RYR1: variants seen among roughly 807,000 people sequenced by gnomAD.
RYR1 encodes the protein central core disease of muscle.
In RYR1, 342 loss-of-function variants were observed where a neutral mutation model predicts 583.5. The observed-to-expected ratio is 0.59, with a 90% confidence interval of 0.54 to 0.64. RYR1 has a LOEUF of 0.64. Among genes scored for constraint, RYR1 ranks in the 30% least tolerant of loss-of-function variants. The probability of loss-of-function intolerance (pLI) is 0.00; values close to 1 mark genes in which losing one functional copy is unlikely to be tolerated. For synonymous variants in RYR1, 2,791 were observed against 2,822.5 expected (o/e 0.99, Z 0.35); for missense variants, 6,032 against 6,917.2 (o/e 0.87, Z 4.54).
intron 42 of RYR1, among the ~76,000 whole-genome samples, chr19:38,497,378 C>G (rs1969894038): frequency 6.6e-6 from 1 of 152,232 alleles, no homozygotes; most frequent in African/African-American, 2.4e-5. Context: ...GCTTCCACTT[C>G]TGTGTACAGT....
At position 38,512,607 on chromosome 19, in the gene RYR1, C is replaced by T; in HGVS notation, c.9472+124C>T. The T allele has an allele frequency of 6.5e-6, 6 of 924,142 alleles. No individual in the cohort carries two copies. Among genetic ancestry groups the T allele is most frequent in the Non-Finnish European group, 1.0e-5 (6 of 577,152 alleles). The allele number at this position is 924,142 out of a possible 1,614,324, so 57.2% of individuals were successfully genotyped here. A position where few individuals can be genotyped will look rare whatever the true frequency, so the allele number is the denominator to read the frequency against. ...GATTTCTTGCTGTAAGCAAAGCATG[C>T]AGTCAGTACCTTGGCAGGTGGCAAA... On this transcript the variant is annotated intron_variant, in intron 63 of 105. Transcript: ENST00000359596. The surrounding 1 kb of genome is among the most constrained non-coding windows in gnomAD (Gnocchi z 5.1).
intron 22 of RYR1, among the ~76,000 whole-genome samples, chr19:38,464,278 GAAAAAAAAAAAAAAA>G (rs547288253): frequency 7.8e-5 from 5 of 64,242 alleles, no homozygotes; most frequent in East Asian, 4.2e-4. Context: ...CACCGTTTCA[GAAAAAAAAAAAAAAA>G]AAAAAAAAAA....
At chr19:38,472,069 GTC>G (rs1568468175) in intron 27 of RYR1, among the ~76,000 whole-genome samples, 1 of 152,020 alleles carries the variant, frequency 6.6e-6, no homozygotes, top group African/African-American at 2.4e-5. Flanking sequence ...TGTTTACCGA[GTC>G]TCTAGGAGAC....
Position 38,566,993 on chromosome 19 carries a change from T to G in RYR1, c.13514+6T>G. On this transcript the variant is annotated splice_donor_region_variant and intron_variant, in intron 92 of 105. Coordinates refer to ENST00000359596, the MANE Select transcript of RYR1 (RefSeq NM_000540.3). ...CTGGAGCCGGAGAAAGCCGAGTGAGTGGCCTTGGGGCTGAGGGGCCTAGCC... is the reference window on the plus strand; with the variant it reads ...CTGGAGCCGGAGAAAGCCGAGTGAGGGGCCTTGGGGCTGAGGGGCCTAGCC... 1 of 1,585,838 alleles carries G rather than the reference T, an allele frequency of 6.3e-7. No individual in the cohort carries two copies. Among genetic ancestry groups the G allele is most frequent in the Non-Finnish European group, 8.6e-7 (1 of 1,165,816 alleles).
intron 60 of RYR1, 69 bp from the exon 61 acceptor site, chr19:38,511,492 G>A (rs1045204698): frequency 2.4e-5 from 37 of 1,528,260 alleles, no homozygotes; most frequent in Non-Finnish European, 3.3e-5. Flanking sequence ...ATTGGGTCAC[G>A]CTGTCCTCGT....
At position 38,505,343 on chromosome 19, in the gene RYR1, A is replaced by G. The variant is rs1555785401; in HGVS notation, c.8345A>G (p.Asp2782Gly). The change falls in exon 53 of 106, where the codon GAC becomes GGC. Residue 2782 changes from aspartate (D) to glycine (G), a missense_variant. This residue lies in a region of RYR1 where 1,493 missense variants were observed against 1,715.5 expected (regional missense o/e 0.87). Coordinates refer to ENST00000359596, the MANE Select transcript of RYR1 (RefSeq NM_000540.3). ...AACTGGTCCTATGGAGAGAACATAG[A>G]CGAGGAGCTGAAGACCCACCCCATG... Reference protein sequence around the residue: ...QNNWSYGENIDEELKTHPMLR... With the variant: ...QNNWSYGENIGEELKTHPMLR... 2.5e-6 allele frequency: 4 copies of G among 1,612,536 alleles called. No homozygotes were observed. Among genetic ancestry groups the G allele is most frequent in the Non-Finnish European group, 3.4e-6 (4 of 1,179,378 alleles).
rs1377619297 is a variant in RYR1, at chr19:38,451,816, G to A, written c.1175G>A (p.Cys392Tyr). ...GACGACGCACTGTCGCTGACCCGCT[G>A]CCAGCAGGAGGAGTCCCAGGCCGCC... Reference protein sequence around the residue: ...HMDDALSLTRCQQEESQAARM... With the variant: ...HMDDALSLTRYQQEESQAARM... Residue 392 changes from cysteine (C) to tyrosine (Y), a missense_variant, in exon 12 of 106, where the codon TGC (cysteine) becomes TAC (tyrosine). Coordinates refer to ENST00000359596, the MANE Select transcript of RYR1 (RefSeq NM_000540.3). The A allele has an allele frequency of 6.2e-7, 1 of 1,613,988 alleles. No individual in the cohort carries two copies. The highest frequency in any genetic ancestry group is 8.5e-7 in the Non-Finnish European group (1 of 1,180,014).
Position 38,513,831 on chromosome 19 carries a change from G to T in RYR1, c.9473-1195G>T, listed in dbSNP as rs543829071. On this transcript the variant is annotated intron_variant, in intron 63 of 105. Coordinates refer to ENST00000359596, the MANE Select transcript of RYR1 (RefSeq NM_000540.3). The stretch of plus-strand genomic sequence containing the variant: ...TTAGTTTTTTTTGTTGAACTTTTGG[G>T]TGTAAGTTGCACACACCAGGGTAAC... 1.3e-3 allele frequency among the ~76,000 whole-genome samples: 203 copies of T among 152,152 alleles called. 2 individuals are homozygous for T. Among genetic ancestry groups the T allele is most frequent in the African/African-American group, 4.4e-3 (184 of 41,514 alleles).
At chr19:38,466,497 A>ATG in intron 24 of RYR1, 99 bp downstream of exon 24, 2 of 844,618 alleles carry the variant, frequency 2.4e-6, no homozygotes, top group African/African-American at 3.6e-5. Flanking sequence ...CAAATGGGCT[A>ATG]TATCTTTTTT....
chr19:38,438,255 T>G (rs1972510988), intron 1 of RYR1, among the ~76,000 whole-genome samples: 1 of 151,730 alleles, frequency 6.6e-6, no homozygotes, highest in Non-Finnish European at 1.5e-5. Context: ...ATCCCCATCC[T>G]AAAAGCCACT....
chr19:38,472,093 C>A (rs1968453310), intron 27 of RYR1, among the ~76,000 whole-genome samples: 1 of 151,556 alleles, frequency 6.6e-6, no homozygotes. Context: ...TTTGAGAGTC[C>A]ATTGTTTTTG....
At chr19:38,530,034 C>T (rs1971660561) in intron 76 of RYR1, among the ~76,000 whole-genome samples, 1 of 152,094 alleles carries the variant, frequency 6.6e-6, no homozygotes, top group South Asian at 2.1e-4. Context: ...GGCTGGAGTG[C>T]AGTGGCACAA....
chr19:38,565,050 A>G lies in RYR1; in HGVS notation c.12716A>G (p.Asp4239Gly). Residue 4239 changes from aspartate to glycine, a missense_variant, in exon 91 of 106, where the codon GAC (aspartate) becomes GGC (glycine). Physicochemically the swap from Asp to Gly is moderately conservative, Grantham distance 94. Transcript: ENST00000359596. The surrounding 1 kb of genome is among the most constrained non-coding windows in gnomAD (Gnocchi z 4.7). ...KMELFVSFCE[D>G]TIFEMQIAAQ... Reference sequence around the variant, plus strand: ...GAGCTCTTCGTGAGTTTCTGCGAGGACACCATCTTCGAGATGCAGATCGCC... The same window carrying G: ...GAGCTCTTCGTGAGTTTCTGCGAGGGCACCATCTTCGAGATGCAGATCGCC... The G allele has an allele frequency of 6.3e-7, 1 of 1,574,982 alleles. No individual in the cohort carries two copies. Among genetic ancestry groups the G allele is most frequent in the Non-Finnish European group, 8.6e-7 (1 of 1,161,084 alleles).
Position 38,473,604 on chromosome 19 carries a change from C to T in RYR1, c.3993C>T (p.Tyr1331=), listed in dbSNP as rs757263741. 5.7e-6 allele frequency: 9 copies of T among 1,574,164 alleles called. No homozygotes were observed. Among genetic ancestry groups the T allele is most frequent in the East Asian group, 4.7e-5 (2 of 42,866 alleles). ...GGGCGGCGGAACCCGACCCTGACTACGAAAACCTGCGCCGCTCAGCTGGGG... is the reference window on the plus strand; with the variant it reads ...GGGCGGCGGAACCCGACCCTGACTATGAAAACCTGCGCCGCTCAGCTGGGG... The part of the protein sequence containing the change: ...EARAAEPDPD[Y]ENLRRSAGGW... Residue 1331 remains tyrosine (Y), a synonymous_variant, in exon 28 of 106, where the codon TAC becomes TAT. Transcript: ENST00000359596.
At chr19:38,542,081 A>G (rs1163294599) in intron 84 of RYR1, among the ~76,000 whole-genome samples, 1 of 148,596 alleles carries the variant, frequency 6.7e-6, no homozygotes, top group African/African-American at 2.5e-5. Context: ...AAAAAAAAAA[A>G]TCCCCCCCAA....
chr19:38,517,671 C>G lies in RYR1; in HGVS notation c.9998C>G (p.Ser3333Cys), dbSNP rs878944689. ...IVNNLGIDEA[S>C]WMKRLAVFAQ... ...AACAACCTGGGCATTGACGAGGCCT[C>G]CTGGATGAAGCGGCTGGCTGGTGGG... The change falls in exon 66 of 106, where the codon TCC becomes TGC. Residue 3333 changes from serine (S) to cysteine (C), a missense_variant. By Grantham distance (112) the Ser-to-Cys change is moderately radical. This residue lies in a region of RYR1 where 1,493 missense variants were observed against 1,715.5 expected (regional missense o/e 0.87). Transcript: ENST00000359596. 4.3e-6 allele frequency: 7 copies of G among 1,614,208 alleles called. No homozygotes were observed. Among genetic ancestry groups the G allele is most frequent in the Non-Finnish European group, 5.9e-6 (7 of 1,180,030 alleles).
intron 93 of RYR1, among the ~76,000 whole-genome samples, chr19:38,569,176 A>G (rs1327284188): frequency 6.6e-6 from 1 of 151,960 alleles, no homozygotes; most frequent in Admixed American, 6.6e-5. Context: ...ACGCCTGGCT[A>G]ATTTTTTGTA....
intron 29 of RYR1, among the ~76,000 whole-genome samples, chr19:38,475,764 T>C (rs1450326903): frequency 1.3e-5 from 2 of 152,234 alleles, no homozygotes; most frequent in Admixed American, 1.3e-4. Flanking sequence ...CTCACTCATA[T>C]AAACACAATA....
chr19:38,572,766 C>T (rs1043478270), intron 95 of RYR1, among the ~76,000 whole-genome samples: 2 of 151,802 alleles, frequency 1.3e-5, no homozygotes, highest in Non-Finnish European at 2.9e-5. Flanking sequence ...GCCTGTGCCC[C>T]ACCCCCATTC....
Sources: allele counts gnomAD v4.1 joint callset (sites outside exome capture counted in the v4.1 genomes callset), GRCh38; gene constraint gnomAD v4.1.1; regional missense constraint gnomAD v4.1.1; non-coding constraint Gnocchi (gnomAD v3.1); transcripts MANE v1.5; gene names NCBI Gene and HGNC (gene_info 2026-07-23, HGNC 2026-07-21).